The following TSPAN18 variants were observed in gnomAD, a reference collection of about 807,000 sequenced individuals.
TSPAN18 encodes tetraspanin-18.
In TSPAN18, 14 loss-of-function variants were observed where a neutral mutation model predicts 27.3. The ratio of observed to expected loss-of-function variants is 0.51; its 90% CI spans 0.34 to 0.80. The LOEUF (loss-of-function observed/expected upper bound fraction) is 0.80. Among genes scored for constraint, TSPAN18 ranks in the 30% least tolerant of loss-of-function variants. The pLI is 0.01. For synonymous variants in TSPAN18, 143 were observed against 136.5 expected (o/e 1.05, Z -0.33); for missense variants, 268 against 323.9 (o/e 0.83, Z 1.32).
intron 1 of TSPAN18, among the ~76,000 whole-genome samples, chr11:44,740,066 A>G (rs912128701): frequency 5.9e-5 from 9 of 152,218 alleles, no homozygotes; most frequent in Non-Finnish European, 7.3e-5. Flanking sequence ...AGAGACACCT[A>G]TGGTAGGGTG....
At chr11:44,847,300 A>G (rs2135179792) in intron 2 of TSPAN18, among the ~76,000 whole-genome samples, 1 of 152,240 alleles carries the variant, frequency 6.6e-6, no homozygotes, top group South Asian at 2.1e-4. Flanking sequence ...GAAAGCCACA[A>G]GTGTGAACCT....
At chr11:44,769,926 A>G (rs1361232112) in intron 2 of TSPAN18, among the ~76,000 whole-genome samples, 1 of 152,216 alleles carries the variant, frequency 6.6e-6, no homozygotes, top group African/African-American at 2.4e-5. Flanking sequence ...TCGTGGCTCT[A>G]TCACTAAGTA....
chr11:44,839,018 G>T (rs541335234), intron 2 of TSPAN18, among the ~76,000 whole-genome samples: 2 of 152,264 alleles, frequency 1.3e-5, no homozygotes, highest in East Asian at 3.9e-4. Flanking sequence ...TCTACAGTCA[G>T]TTGACTTTAG....
chr11:44,807,084 A>T (rs1239239060), intron 2 of TSPAN18, among the ~76,000 whole-genome samples: 1 of 151,796 alleles, frequency 6.6e-6, no homozygotes, highest in East Asian at 1.9e-4. Flanking sequence ...CAAGCCAGGG[A>T]CAGTCACTCA....
At chr11:44,849,528 G>A (rs969604045) in intron 2 of TSPAN18, among the ~76,000 whole-genome samples, 4 of 152,174 alleles carry the variant, frequency 2.6e-5, no homozygotes, top group African/African-American at 9.7e-5. Flanking sequence ...CAGTGGCTAC[G>A]GGCTAGGCCT....
intron 2 of TSPAN18, among the ~76,000 whole-genome samples, chr11:44,807,331 C>G (rs1260813034): frequency 1.3e-5 from 2 of 149,786 alleles, no homozygotes; most frequent in East Asian, 3.9e-4. Context: ...GAGTTCGAGG[C>G]CAGCCTGACT....
At chr11:44,895,647 G>A (rs1347201185) in intron 3 of TSPAN18, among the ~76,000 whole-genome samples, 1 of 152,260 alleles carries the variant, frequency 6.6e-6, no homozygotes, top group African/African-American at 2.4e-5. Flanking sequence ...CCAGGGTACA[G>A]CATTCAAAGG....
chr11:44,875,717 G>A (rs562047423), intron 3 of TSPAN18, among the ~76,000 whole-genome samples: 1 of 152,356 alleles, frequency 6.6e-6, no homozygotes, highest in South Asian at 2.1e-4. Context: ...CCTCAGAGAA[G>A]TGGCTTCATT....
intron 1 of TSPAN18, among the ~76,000 whole-genome samples, chr11:44,743,043 C>T (rs1854983149): frequency 6.6e-6 from 1 of 152,210 alleles, no homozygotes; most frequent in Non-Finnish European, 1.5e-5. Flanking sequence ...AAATATCCTT[C>T]TAAGAGTCCT....
At chr11:44,840,669 T>C (rs1857355137) in intron 2 of TSPAN18, among the ~76,000 whole-genome samples, 1 of 152,192 alleles carries the variant, frequency 6.6e-6, no homozygotes, top group South Asian at 2.1e-4. Flanking sequence ...GCATGCTGCT[T>C]GATGGTGCGC....
At chr11:44,750,445 T>A (rs11600981) in intron 1 of TSPAN18, among the ~76,000 whole-genome samples, 47 of 152,198 alleles carry the variant, frequency 3.1e-4, no homozygotes, top group Non-Finnish European at 6.3e-4. Context: ...TCTGCAGGTG[T>A]TTGGAGACCC....
chr11:44,810,579 T>G (rs888488824), intron 2 of TSPAN18, among the ~76,000 whole-genome samples: 51 of 152,098 alleles, frequency 3.4e-4, no homozygotes, highest in African/African-American at 1.2e-3. Context: ...CTGCTATGTT[T>G]GAGCACCTGT....
intron 5 of TSPAN18, among the ~76,000 whole-genome samples, chr11:44,912,375 T>C (rs1159888990): frequency 1.3e-5 from 2 of 151,792 alleles, no homozygotes; most frequent in African/African-American, 4.8e-5. Flanking sequence ...GTCCCTGTCC[T>C]GATCTCTCCC....
intron 1 of TSPAN18, among the ~76,000 whole-genome samples, chr11:44,728,476 G>A (rs1164942834): frequency 3.3e-5 from 5 of 152,120 alleles, no homozygotes; most frequent in Non-Finnish European, 7.4e-5. Flanking sequence ...AAGGCAGGAT[G>A]GGGGTCTTGG....
chr11:44,879,914 C>T (rs1050084773), intron 3 of TSPAN18, among the ~76,000 whole-genome samples: 5 of 152,246 alleles, frequency 3.3e-5, no homozygotes, highest in African/African-American at 1.2e-4. Context: ...AGCTGCCATG[C>T]AGGGACCTCC....
chr11:44,883,082 G>A (rs978357622), intron 3 of TSPAN18, among the ~76,000 whole-genome samples: 1 of 152,178 alleles, frequency 6.6e-6, no homozygotes, highest in South Asian at 2.1e-4. Flanking sequence ...CCATGAGGCA[G>A]GAACAACAGC....
At chr11:44,861,999 G>A (rs1170529873) in intron 3 of TSPAN18, among the ~76,000 whole-genome samples, 1 of 152,136 alleles carries the variant, frequency 6.6e-6, no homozygotes, top group African/African-American at 2.4e-5. Flanking sequence ...TCGCCGGGAA[G>A]GCCTGTTCCT....
intron 2 of TSPAN18, among the ~76,000 whole-genome samples, chr11:44,812,046 T>C (rs1856729304): frequency 6.6e-6 from 1 of 152,222 alleles, no homozygotes; most frequent in African/African-American, 2.4e-5. Flanking sequence ...GTGGTTTCCT[T>C]CTTTCATCAC....
intron 1 of TSPAN18, among the ~76,000 whole-genome samples, chr11:44,743,824 A>G (rs1855007269): frequency 1.3e-5 from 2 of 152,220 alleles, no homozygotes; most frequent in Admixed American, 6.5e-5. Flanking sequence ...GACTTCAGAG[A>G]TGAAGATAAA....
Sources: gnomAD v4.1 joint callset for allele counts (sites outside exome capture counted in the v4.1 genomes callset) on GRCh38, gnomAD v4.1.1 for gene constraint, MANE v1.5 for transcripts, NCBI Gene and HGNC (gene_info 2026-07-23, HGNC 2026-07-21) for gene names.